Variants in TENM3 observed in about 807,000 individuals in gnomAD.
The protein encoded by TENM3 is teneurin-3.
In TENM3, 63 loss-of-function variants were observed where a neutral mutation model predicts 255.1. That is an observed-to-expected ratio of 0.25 (90% CI 0.20 to 0.30). TENM3 has a LOEUF of 0.30. Among genes scored for constraint, TENM3 ranks in the 10% least tolerant of loss-of-function variants. The pLI is 1.00. For synonymous variants in TENM3, 1,306 were observed against 1,322.3 expected, an observed-to-expected ratio of 0.99 and a Z score of 0.27; for missense variants, 2,929 against 3,461.1, an observed-to-expected ratio of 0.85 and a Z score of 3.86.
At chr4:182,360,537 T>A (rs1426638291) in intron 3 of TENM3, among the ~76,000 whole-genome samples, 2 of 151,738 alleles carry the variant, frequency 1.3e-5, no homozygotes, top group African/African-American at 4.8e-5. Context: ...GAGACTAGGA[T>A]TGCAACCCCT....
the TENM3 span, chr4:181,906,222 A>G: frequency 4.4e-6 from 1 of 225,820 alleles, no homozygotes; most frequent in Non-Finnish European, 8.9e-6. Flanking sequence ...ATTCTCCAGC[A>G]TTGCATAGTA....
intron 4 of TENM3, among the ~76,000 whole-genome samples, chr4:182,609,779 T>A (rs1748811575): frequency 6.6e-6 from 1 of 152,090 alleles, no homozygotes; most frequent in Non-Finnish European, 1.5e-5. Context: ...TTATCTTGTG[T>A]TTCCATAAAA....
At chr4:182,747,007 T>C (rs1298146692) in intron 19 of TENM3, among the ~76,000 whole-genome samples, 3 of 152,222 alleles carry the variant, frequency 2.0e-5, no homozygotes, top group South Asian at 2.1e-4. Flanking sequence ...CTTCTTCCTG[T>C]GTACCTGCCT....
intron 22 of TENM3, among the ~76,000 whole-genome samples, chr4:182,758,340 G>C (rs1579370966): frequency 6.6e-6 from 1 of 152,150 alleles, no homozygotes; most frequent in African/African-American, 2.4e-5. Flanking sequence ...AAAAAGAAAA[G>C]GGTGGGGGGA....
At chr4:181,714,730 ATATT>A in the TENM3 span, among the ~76,000 whole-genome samples, 1 of 152,314 alleles carries the variant, frequency 6.6e-6, no homozygotes, top group African/African-American at 2.4e-5. Context: ...GAAAATTTAA[ATATT>A]TATAAATATA....
At chr4:182,688,415 G>A (rs1311065361) in intron 12 of TENM3, 64 bp downstream of exon 12, 4 of 1,300,186 alleles carry the variant, frequency 3.1e-6, no homozygotes, top group Non-Finnish European at 4.0e-6. Context: ...ACGGTCAGCT[G>A]TTTTCAACTT....
At chr4:182,476,952 T>C (rs1298579654) in intron 3 of TENM3, among the ~76,000 whole-genome samples, 1 of 152,224 alleles carries the variant, frequency 6.6e-6, no homozygotes, top group African/African-American at 2.4e-5. Context: ...TGAGTCTGTG[T>C]TCAACACTGT....
chr4:182,621,073 C>T (rs893659766), intron 4 of TENM3, among the ~76,000 whole-genome samples: 18 of 151,510 alleles, frequency 1.2e-4, no homozygotes, highest in African/African-American at 1.9e-4. Flanking sequence ...CCCAGCCACT[C>T]GGGAGGCTGA....
the TENM3 span, among the ~76,000 whole-genome samples, chr4:181,714,820 A>G: frequency 6.6e-6 from 1 of 152,164 alleles, no homozygotes; most frequent in Non-Finnish European, 1.5e-5. Context: ...TCTATGCAAA[A>G]AAAGTAGAGC....
At chr4:181,622,902 C>T in the TENM3 span, among the ~76,000 whole-genome samples, 1 of 152,058 alleles carries the variant, frequency 6.6e-6, no homozygotes, top group South Asian at 2.1e-4. Flanking sequence ...AGAATTAATT[C>T]TTAACTGAGG....
chr4:182,625,075 A>T (rs76746703), intron 4 of TENM3, among the ~76,000 whole-genome samples: 9,343 of 152,258 alleles, frequency 0.061, 399 homozygotes, highest in East Asian at 0.14. Flanking sequence ...TGAAACAACA[A>T]TACAGTGCTT....
chr4:182,717,888 A>G (rs184094042), intron 13 of TENM3, among the ~76,000 whole-genome samples: 6 of 152,332 alleles, frequency 3.9e-5, no homozygotes, highest in African/African-American at 1.4e-4. Flanking sequence ...TGCTGAGTCC[A>G]GAGAATAGGA....
At chr4:182,452,396 T>C (rs1773538958) in intron 3 of TENM3, among the ~76,000 whole-genome samples, 1 of 152,136 alleles carries the variant, frequency 6.6e-6, no homozygotes, top group Non-Finnish European at 1.5e-5. Context: ...AACTTCTAAG[T>C]AGTTGTGGCC....
chr4:181,827,074 T>G, the TENM3 span, among the ~76,000 whole-genome samples: 1 of 152,012 alleles, frequency 6.6e-6, no homozygotes, highest in African/African-American at 2.4e-5. Flanking sequence ...TCGCAATAAT[T>G]CCTCTTTTCC....
intron 18 of TENM3, among the ~76,000 whole-genome samples, chr4:182,742,320 C>T (rs1761667435): frequency 6.6e-6 from 1 of 152,208 alleles, no homozygotes; most frequent in African/African-American, 2.4e-5. Flanking sequence ...AGCAGACTGG[C>T]ATTTTGTCTT....
At chr4:182,233,383 G>A (rs1272466630) in intron 1 of TENM3, among the ~76,000 whole-genome samples, 1 of 152,218 alleles carries the variant, frequency 6.6e-6, no homozygotes, top group Non-Finnish European at 1.5e-5. Context: ...TTTGACTTGG[G>A]AACCTGACCG....
At chr4:182,384,956 G>A (rs1054462332) in intron 3 of TENM3, among the ~76,000 whole-genome samples, 1 of 152,096 alleles carries the variant, frequency 6.6e-6, no homozygotes, top group Non-Finnish European at 1.5e-5. Flanking sequence ...TTAGCAGTCT[G>A]GCCTCAGTGC....
At chr4:182,218,007 C>T (rs990544963) in intron 1 of TENM3, among the ~76,000 whole-genome samples, 8 of 152,108 alleles carry the variant, frequency 5.3e-5, no homozygotes, top group African/African-American at 1.2e-4. Flanking sequence ...AATGAAAAAC[C>T]GAGTAACAGT....
chr4:182,132,658 A>G, the TENM3 span, among the ~76,000 whole-genome samples: 1 of 152,202 alleles, frequency 6.6e-6, no homozygotes, highest in South Asian at 2.1e-4. Context: ...GCAATAAAGT[A>G]TTTTCTTTGT....
Sources: gnomAD v4.1 joint callset for allele counts (sites outside exome capture counted in the v4.1 genomes callset) on GRCh38, gnomAD v4.1.1 for gene constraint, MANE v1.5 for transcripts, NCBI Gene and HGNC (gene_info 2026-07-23, HGNC 2026-07-21) for gene names.